The following EPB41 variants were observed in gnomAD, a reference collection of about 807,000 sequenced individuals.
EPB41 encodes the protein protein 4.1.
EPB41 carries 65 observed loss-of-function variants against 108.0 expected under a neutral mutation model. The ratio of observed to expected loss-of-function variants is 0.60; its 90% CI spans 0.49 to 0.74. The LOEUF (loss-of-function observed/expected upper bound fraction) is 0.74. Ranked by LOEUF, EPB41 falls within the 30% of genes least tolerant of loss-of-function variation. The pLI is 0.00. For missense variants in EPB41, 875 were observed against 1,037.0 expected, an observed-to-expected ratio of 0.84 and a Z score of 2.15; for synonymous variants, 336 against 358.9, an observed-to-expected ratio of 0.94 and a Z score of 0.72.
intron 1 of EPB41, among the ~76,000 whole-genome samples, chr1:28,931,747 G>C (rs1402494912): frequency 1.3e-5 from 2 of 151,922 alleles, no homozygotes; most frequent in African/African-American, 4.8e-5. Flanking sequence ...TGTTAGCCAG[G>C]ATGGTCTCGA....
At chr1:29,053,479 C>T (rs1644856080) in intron 12 of EPB41, 167 bp downstream of exon 12, 6 of 810,994 alleles carry the variant, frequency 7.4e-6, no homozygotes, top group Admixed American at 4.2e-5. Flanking sequence ...AAAATATTTT[C>T]GTAGAGTTAT....
chr1:28,920,954 A>G (rs1246856632), intron 1 of EPB41, among the ~76,000 whole-genome samples: 6 of 152,196 alleles, frequency 3.9e-5, no homozygotes, highest in East Asian at 3.9e-4. Context: ...AAAAATTTAT[A>G]TGGGGAGTCT....
intron 8 of EPB41, 102 bp downstream of exon 8, chr1:29,030,589 C>A: frequency 1.1e-6 from 1 of 930,414 alleles, no homozygotes; most frequent in South Asian, 1.4e-5. Flanking sequence ...TACTTTTTAA[C>A]AACATCTGGG....
chr1:28,905,353 C>T (rs1362253078), intron 1 of EPB41, among the ~76,000 whole-genome samples: 3 of 151,364 alleles, frequency 2.0e-5, no homozygotes, highest in African/African-American at 4.9e-5. Context: ...AAAAATCAGC[C>T]GGGCCTGGTG....
intron 4 of EPB41, among the ~76,000 whole-genome samples, chr1:29,008,436 A>G (rs1363529061): frequency 6.6e-6 from 1 of 152,234 alleles, no homozygotes; most frequent in African/African-American, 2.4e-5. Flanking sequence ...CCAATTATAC[A>G]TATGAGAAAA....
chr1:29,078,777 A>G (rs1326605579), intron 16 of EPB41, among the ~76,000 whole-genome samples: 3 of 152,138 alleles, frequency 2.0e-5, no homozygotes, highest in Non-Finnish European at 4.4e-5. Flanking sequence ...TATGTACTGT[A>G]ACCACCACAG....
chr1:29,048,188 A>G (rs1643864894), intron 11 of EPB41, among the ~76,000 whole-genome samples: 1 of 152,022 alleles, frequency 6.6e-6, no homozygotes, highest in Non-Finnish European at 1.5e-5. Context: ...TATTATATAT[A>G]GTTTAACTCA....
rs556860223 is a variant in EPB41 at position 29,068,807 on chromosome 1, G to A, written c.2184+3649G>A. On this transcript the variant is annotated intron_variant, in intron 16 of 20. Coordinates refer to ENST00000343067, the MANE Select transcript of EPB41 (RefSeq NM_001376013.1). Reference sequence around the variant, plus strand: ...AGGTAAAGCTGCTGTTATGACTTGTGCTTCTCAATCAGAATTTGCTCTTGT... The same window carrying A: ...AGGTAAAGCTGCTGTTATGACTTGTACTTCTCAATCAGAATTTGCTCTTGT... 5.7e-6 allele frequency: 7 copies of A among 1,231,818 alleles called. No homozygotes were observed. The African/African-American group carries it at 1.1e-4, about 19-fold the overall frequency. The allele number at this position is 1,231,818 out of a possible 1,614,324, so 76.3% of individuals were successfully genotyped here. A position where few individuals can be genotyped will look rare whatever the true frequency, so the allele number is the denominator to read the frequency against.
At chr1:29,116,425 A>G (rs1299089788) in intron 20 of EPB41, among the ~76,000 whole-genome samples, 3 of 152,108 alleles carry the variant, frequency 2.0e-5, no homozygotes, top group African/African-American at 7.2e-5. Context: ...CTGGGCTGGG[A>G]TTACAGGCAT....
At chr1:29,005,387 A>G (rs916369865) in intron 4 of EPB41, among the ~76,000 whole-genome samples, 3 of 152,216 alleles carry the variant, frequency 2.0e-5, no homozygotes, top group Non-Finnish European at 2.9e-5. Flanking sequence ...ACAATTTGAC[A>G]TGAGATTTGG....
At chr1:28,968,050 C>T (rs1037293800) in intron 1 of EPB41, among the ~76,000 whole-genome samples, 1 of 152,020 alleles carries the variant, frequency 6.6e-6, no homozygotes, top group African/African-American at 2.4e-5. Context: ...TATTCCTTTG[C>T]AAGGCTGTTT....
chr1:28,926,139 G>A (rs2093432424), intron 1 of EPB41, among the ~76,000 whole-genome samples: 1 of 150,700 alleles, frequency 6.6e-6, no homozygotes, highest in African/African-American at 2.4e-5. Flanking sequence ...GAAGTCAGAA[G>A]TTCGAGGCCA....
rs538283470 is a variant in EPB41, at chr1:28,887,187, C to G, written c.-31C>G. ...GCGCGGAGCCAGAACGCGGTCGGCC[C>G]GGTCCCCGCCGCACCCAGCCCAGGT... On this transcript the variant is annotated 5_prime_UTR_variant, in exon 1 of 17. Coordinates refer to the EPB41 transcript ENST00000347529. The surrounding 1 kb of genome is among the most constrained non-coding windows in gnomAD (Gnocchi z 4.9). 6 of 1,249,202 alleles carry G rather than the reference C, an allele frequency of 4.8e-6. No homozygotes were observed. The highest frequency in any genetic ancestry group is 2.1e-6 in the Non-Finnish European group (2 of 953,796). 77.4% of individuals were successfully genotyped at this position (1,249,202 alleles called of 1,614,324 possible).
chr1:29,046,823 T>C (rs371674335), intron 11 of EPB41, among the ~76,000 whole-genome samples: 4 of 152,348 alleles, frequency 2.6e-5, no homozygotes, highest in African/African-American at 9.6e-5. Context: ...ATGTGGTATA[T>C]TATTTTTACT....
chr1:28,906,001 T>C (rs1007901889), intron 1 of EPB41, among the ~76,000 whole-genome samples: 1 of 152,010 alleles, frequency 6.6e-6, no homozygotes, highest in Non-Finnish European at 1.5e-5. Flanking sequence ...GTATTTTTAG[T>C]AGAGATATGG....
chr1:28,948,328 C>T (rs564549795), intron 1 of EPB41, among the ~76,000 whole-genome samples: 4 of 150,514 alleles, frequency 2.7e-5, no homozygotes, highest in South Asian at 4.2e-4. Context: ...GGTGAAACCC[C>T]GTCTCTACTA....
At chr1:28,922,023 G>A (rs2093134898) in intron 1 of EPB41, among the ~76,000 whole-genome samples, 1 of 138,608 alleles carries the variant, frequency 7.2e-6, no homozygotes, top group Admixed American at 7.8e-5. Context: ...AGGCTGGAGT[G>A]CAATGGCATG....
At chr1:28,944,534 GTT>G (rs55849161) in intron 1 of EPB41, among the ~76,000 whole-genome samples, 89 of 97,404 alleles carry the variant, frequency 9.1e-4, no homozygotes, top group Middle Eastern at 6.3e-3. Flanking sequence ...CTCAGATCTG[GTT>G]TTTTTTTTTT....
intron 4 of EPB41, among the ~76,000 whole-genome samples, chr1:28,999,397 A>G (rs2096252243): frequency 6.6e-6 from 1 of 152,090 alleles, no homozygotes; most frequent in South Asian, 2.1e-4. Context: ...AAATTCTCCC[A>G]TGAATCAAGG....
Sources: gnomAD v4.1 joint callset for allele counts (sites outside exome capture counted in the v4.1 genomes callset) on GRCh38, gnomAD v4.1.1 for gene constraint, Gnocchi (gnomAD v3.1) non-coding constraint, MANE v1.5 for transcripts, NCBI Gene and HGNC (gene_info 2026-07-23, HGNC 2026-07-21) for gene names.